Variants in ARHGAP15 observed in about 807,000 individuals in gnomAD.
The protein encoded by ARHGAP15 is rho GTPase-activating protein 15.
A neutral mutation model predicts 63.7 loss-of-function variants in ARHGAP15; 51 were observed. The observed-to-expected ratio is 0.80, with a 90% CI of 0.64 to 1.01. ARHGAP15 has a LOEUF of 1.01. ARHGAP15 is among the 50% of genes least tolerant of loss of function. ARHGAP15 has a pLI of 0.00. For missense variants in ARHGAP15, 560 were observed against 564.6 expected (o/e 0.99, Z 0.08); for synonymous variants, 191 against 193.8 (o/e 0.99, Z 0.12).
chr2:143,455,632 A>C (rs886749158), intron 8 of ARHGAP15, among the ~76,000 whole-genome samples: 3 of 152,174 alleles, frequency 2.0e-5, no homozygotes, highest in East Asian at 1.9e-4. Flanking sequence ...GATTATACAC[A>C]TGATGAAATA....
chr2:143,461,683 T>C (rs1426262371), intron 8 of ARHGAP15, among the ~76,000 whole-genome samples: 1 of 152,162 alleles, frequency 6.6e-6, no homozygotes, highest in Non-Finnish European at 1.5e-5. Flanking sequence ...CAGTGTCCAT[T>C]TTCTTCATTA....
At position 143,144,482 on chromosome 2, in the gene ARHGAP15, G is replaced by A. The variant is rs1247176000; in HGVS notation, c.-14-10995G>A. Among the ~76,000 whole-genome samples the A allele has an allele frequency of 2.0e-5, 3 of 152,094 alleles. No homozygotes were observed. The East Asian group carries it at 5.8e-4, about 30-fold the overall frequency. On this transcript the variant is annotated intron_variant, in intron 1 of 13. Coordinates refer to ENST00000295095, the MANE Select transcript of ARHGAP15 (RefSeq NM_018460.4). ...TAAATAAGCAAAGAAAAAGTAAAAA[G>A]CACTCTTGCACTCAAAGTTGTGTAT...
chr2:143,282,271 A>T (rs1310750685), intron 6 of ARHGAP15, among the ~76,000 whole-genome samples: 1 of 152,086 alleles, frequency 6.6e-6, no homozygotes, highest in Non-Finnish European at 1.5e-5. Context: ...GCATGCATCC[A>T]TCTCTCATTG....
At chr2:143,567,815 AACAC>A (rs1696290433) in intron 11 of ARHGAP15, among the ~76,000 whole-genome samples, 1 of 152,132 alleles carries the variant, frequency 6.6e-6, no homozygotes, top group African/African-American at 2.4e-5. Context: ...TTTGCCAGAG[AACAC>A]CTCTGGCTCA....
chr2:143,745,297 A>G (rs1686120147), intron 13 of ARHGAP15, among the ~76,000 whole-genome samples: 1 of 152,198 alleles, frequency 6.6e-6, no homozygotes, highest in Non-Finnish European at 1.5e-5. Context: ...TAACTGAGTG[A>G]TCATATCACC....
At chr2:143,514,867 A>T (rs1175115266) in intron 9 of ARHGAP15, among the ~76,000 whole-genome samples, 1 of 152,192 alleles carries the variant, frequency 6.6e-6, no homozygotes, top group Non-Finnish European at 1.5e-5. Flanking sequence ...GATGAGTAGA[A>T]ATCTGCAATG....
At chr2:143,764,441 A>G (rs2105557178) in intron 13 of ARHGAP15, among the ~76,000 whole-genome samples, 1 of 151,678 alleles carries the variant, frequency 6.6e-6, no homozygotes, top group East Asian at 1.9e-4. Flanking sequence ...TCCTTGGTTC[A>G]CTCCCCCACA....
At chr2:143,474,988 G>T (rs1691744634) in intron 8 of ARHGAP15, among the ~76,000 whole-genome samples, 1 of 152,174 alleles carries the variant, frequency 6.6e-6, no homozygotes. Context: ...GAAGCAGAAA[G>T]TAGTTCCATT....
chr2:143,131,822 A>T (rs775986402), intron 1 of ARHGAP15, among the ~76,000 whole-genome samples: 2 of 152,156 alleles, frequency 1.3e-5, no homozygotes, highest in Admixed American at 6.5e-5. Context: ...GACTGATGCC[A>T]TGGTAAATGG....
intron 11 of ARHGAP15, among the ~76,000 whole-genome samples, chr2:143,613,900 G>A (rs148773021): frequency 5.5e-4 from 83 of 152,216 alleles, no homozygotes; most frequent in African/African-American, 1.9e-3. Flanking sequence ...TTTCTAGAAT[G>A]TTGCTCCCCT....
At chr2:143,531,968 G>A (rs527665407) in intron 10 of ARHGAP15, among the ~76,000 whole-genome samples, 2 of 152,290 alleles carry the variant, frequency 1.3e-5, no homozygotes, top group Admixed American at 1.3e-4. Flanking sequence ...TGCTTTGAAT[G>A]GACAGACAGA....
rs999997801 is a variant in ARHGAP15 at position 143,497,165 on chromosome 2, T to TTG, written c.826+9682_826+9683dup. Among the ~76,000 whole-genome samples the TTG allele has an allele frequency of 1.1e-4, 16 of 152,270 alleles. No individual in the cohort carries two copies. The South Asian group carries it at 1.2e-3, about 12-fold the overall frequency. On this transcript the variant is annotated intron_variant, in intron 9 of 13. Coordinates refer to ENST00000295095, the MANE Select transcript of ARHGAP15 (RefSeq NM_018460.4). Reference sequence around the variant, plus strand: ...CATACTCTGTGCTCTAACTCAAATCTTGTGTGTGTGTGTCTAAATTGTAAA... The same window carrying TTG: ...CATACTCTGTGCTCTAACTCAAATCTTGTGTGTGTGTGTGTCTAAATTGTAAA...
chr2:143,167,018 G>A (rs983071902), intron 2 of ARHGAP15, among the ~76,000 whole-genome samples: 4 of 151,832 alleles, frequency 2.6e-5, no homozygotes, highest in Admixed American at 1.3e-4. Flanking sequence ...TTATGAATAC[G>A]AATGAAAGTG....
At chr2:143,583,534 G>C (rs900617698) in intron 11 of ARHGAP15, among the ~76,000 whole-genome samples, 1 of 152,118 alleles carries the variant, frequency 6.6e-6, no homozygotes, top group Non-Finnish European at 1.5e-5. Context: ...AAAAATGGGG[G>C]GGGTGGAAGA....
At chr2:143,287,866 G>A (rs1445627716) in intron 6 of ARHGAP15, among the ~76,000 whole-genome samples, 8 of 152,120 alleles carry the variant, frequency 5.3e-5, no homozygotes. Context: ...CTCCAGGGGA[G>A]GTGAATGCCC....
intron 12 of ARHGAP15, among the ~76,000 whole-genome samples, chr2:143,674,900 G>T (rs1682749605): frequency 6.6e-6 from 1 of 152,084 alleles, no homozygotes; most frequent in Admixed American, 6.6e-5. Flanking sequence ...GAAGGTTGGG[G>T]TAATTGTGAC....
At chr2:143,620,817 C>T (rs1002512472) in intron 11 of ARHGAP15, among the ~76,000 whole-genome samples, 2 of 152,162 alleles carry the variant, frequency 1.3e-5, no homozygotes, top group African/African-American at 4.8e-5. Flanking sequence ...ACAGTGTAAG[C>T]TCTAAGTAAT....
At chr2:143,277,582 T>A (rs1681622046) in intron 6 of ARHGAP15, among the ~76,000 whole-genome samples, 1 of 151,914 alleles carries the variant, frequency 6.6e-6, no homozygotes, top group Admixed American at 6.6e-5. Flanking sequence ...CCCTGCTTTG[T>A]TTACTAAATG....
intron 6 of ARHGAP15, among the ~76,000 whole-genome samples, chr2:143,374,796 C>T (rs558059836): frequency 4.5e-4 from 69 of 152,302 alleles, no homozygotes; most frequent in African/African-American, 1.6e-3. Context: ...AGCTACTGCT[C>T]CTGGCCATAG....
Sources: allele counts gnomAD v4.1 joint callset (sites outside exome capture counted in the v4.1 genomes callset), GRCh38; gene constraint gnomAD v4.1.1; transcripts MANE v1.5; gene names NCBI Gene and HGNC (gene_info 2026-07-23, HGNC 2026-07-21).